Variants in NNT observed in about 807,000 individuals in gnomAD.
NNT encodes NAD(P) transhydrogenase, mitochondrial.
Under a neutral mutation model 104.8 loss-of-function variants are expected in NNT, and 50 were observed. The observed-to-expected ratio is 0.48, with a 90% CI of 0.38 to 0.60. NNT has a LOEUF of 0.60. NNT is among the 20% of genes least tolerant of loss of function. NNT has a pLI of 0.00. For missense variants in NNT, 1,131 were observed against 1,330.7 expected, an observed-to-expected ratio of 0.85 and a Z score of 2.33; for synonymous variants, 461 against 490.4, an observed-to-expected ratio of 0.94 and a Z score of 0.79.
intron 2 of NNT, 108 bp downstream of exon 2, chr5:43,609,454 G>A: frequency 9.8e-7 from 1 of 1,016,010 alleles, no homozygotes; most frequent in Non-Finnish European, 1.4e-6. Context: ...CCTGGTGCTT[G>A]TGAGTGATCA....
At chr5:43,660,351 T>C (rs1424089502) in intron 17 of NNT, among the ~76,000 whole-genome samples, 1 of 152,226 alleles carries the variant, frequency 6.6e-6, no homozygotes, top group Non-Finnish European at 1.5e-5. Flanking sequence ...TAATACTTCC[T>C]AGCTTTTCTG....
intron 20 of NNT, among the ~76,000 whole-genome samples, chr5:43,701,484 T>C (rs551215693): frequency 2.4e-4 from 37 of 152,274 alleles, no homozygotes; most frequent in African/African-American, 8.9e-4. Context: ...CAGTGCACCA[T>C]TGATGGACAT....
At chr5:43,698,034 A>G (rs1742645848) in intron 19 of NNT, among the ~76,000 whole-genome samples, 1 of 152,044 alleles carries the variant, frequency 6.6e-6, no homozygotes, top group South Asian at 2.1e-4. Flanking sequence ...AGATGGCACA[A>G]CTATAGACCT....
Position 43,609,218 on chromosome 5 carries a change from T to C in NNT, c.23T>C (p.Val8Ala), listed in dbSNP as rs773212411. The C allele has an allele frequency of 1.9e-6, 3 of 1,613,914 alleles. No individual in the cohort carries two copies. The highest frequency in any genetic ancestry group is 2.5e-6 in the Non-Finnish European group (3 of 1,179,904). The change falls in exon 2 of 22, where the codon GTG becomes GCG. Residue 8 changes from valine to alanine, a missense_variant. Coordinates refer to ENST00000344920, the MANE Select transcript of NNT (RefSeq NM_182977.3). ...AACATGGCAAACCTATTGAAAACAG[T>C]GGTGACTGGCTGCTCGTGTCCTCTA... The part of the protein sequence containing the change: MANLLKT[V>A]VTGCSCPLLS...
intron 19 of NNT, among the ~76,000 whole-genome samples, chr5:43,681,116 C>T (rs1414073466): frequency 6.6e-6 from 1 of 151,560 alleles, no homozygotes; most frequent in Admixed American, 6.6e-5. Flanking sequence ...AAAGATTAGC[C>T]AGGCATGGTG....
At chr5:43,645,653 A>ATCTCTCTCTCTCTC (rs372296149) in intron 10 of NNT, 143 bp downstream of exon 10, 79 of 68,536 alleles carry the variant, frequency 1.2e-3, no homozygotes, top group South Asian at 5.4e-3. Context: ...CTATCTATCT[A>ATCTCTCTCTCTCTC]TCTCTCTCTC....
chr5:43,664,750 A>G (rs1333989961), intron 17 of NNT, among the ~76,000 whole-genome samples: 1 of 152,242 alleles, frequency 6.6e-6, no homozygotes, highest in Non-Finnish European at 1.5e-5. Context: ...GAAAAAAGAA[A>G]AAAAGAGAAA....
In NNT at chr5:43,705,440, T is replaced by TA. The variant is rs1743065351; in HGVS notation, c.*1037dup. On this transcript the variant is annotated 3_prime_UTR_variant, in exon 22 of 22. Coordinates refer to ENST00000344920, the MANE Select transcript of NNT (RefSeq NM_182977.3). ...ATTTGAGAGAAATGGTGGCTTTTTT[T>TA]AGCTACCTCTTTGTTCATTTAAGCA... 1 of 152,164 alleles carries TA rather than the reference T, an allele frequency of 6.6e-6. No homozygotes were observed. The highest frequency in any genetic ancestry group is 2.4e-5 in the African/African-American group (1 of 41,460). 9.4% of individuals were successfully genotyped at this position (152,164 alleles called of 1,614,324 possible). A position where few individuals can be genotyped will look rare whatever the true frequency, so the allele number is the denominator to read the frequency against.
chr5:43,642,668 G>A (rs1751300170), intron 7 of NNT, among the ~76,000 whole-genome samples: 1 of 152,176 alleles, frequency 6.6e-6, no homozygotes, highest in Admixed American at 6.5e-5. Flanking sequence ...GTTAGAAAAA[G>A]CACTTCACCC....
intron 17 of NNT, among the ~76,000 whole-genome samples, chr5:43,671,746 G>C (rs374396019): frequency 2.0e-5 from 3 of 152,024 alleles, no homozygotes; most frequent in Admixed American, 6.6e-5. Context: ...TTTGGTGAAT[G>C]TGACAATTAT....
In NNT at chr5:43,661,861, C is replaced by T. The variant is rs1377784552; in HGVS notation, c.2634+2511C>T. On this transcript the variant is annotated intron_variant, in intron 17 of 21. Transcript: ENST00000344920. ...GTCTTTGCTATTGTGAATAGTGCCG[C>T]AATAAACATATGTGTGCATGTGTCT... 2.6e-5 allele frequency among the ~76,000 whole-genome samples: 4 copies of T among 152,070 alleles called. No individual in the cohort carries two copies. The East Asian group carries it at 5.8e-4, about 22-fold the overall frequency.
At chr5:43,655,508 C>CTA (rs1046698476) in intron 14 of NNT, among the ~76,000 whole-genome samples, 1 of 151,928 alleles carries the variant, frequency 6.6e-6, no homozygotes, top group Non-Finnish European at 1.5e-5. Flanking sequence ...TACTTTCAGG[C>CTA]TATATATATA....
chr5:43,669,103 C>A (rs1275371304), intron 17 of NNT, among the ~76,000 whole-genome samples: 2 of 152,020 alleles, frequency 1.3e-5, no homozygotes, highest in African/African-American at 2.4e-5. Context: ...GTGTATAAGA[C>A]TGCTTGTGAT....
Position 43,659,270 on chromosome 5 carries a change from C to G in NNT, c.2554C>G (p.Leu852Val). Residue 852 changes from leucine (L) to valine (V), a missense_variant, in exon 17 of 22, where the codon CTG becomes GTG. Physicochemically the swap from Leu to Val is conservative, Grantham distance 32 (BLOSUM62 1). Transcript: ENST00000344920. ...CTGGGCCCTGTGTGCAGAGGGCTTC[C>G]TGCTCAACAACAATCTGCTGACCAT... ...SGWALCAEGFLLNNNLLTIVG... is the reference protein window; with the variant it reads ...SGWALCAEGFVLNNNLLTIVG... The G allele has an allele frequency of 6.2e-7, 1 of 1,614,046 alleles. No individual in the cohort carries two copies. The highest frequency in any genetic ancestry group is 8.5e-7 in the Non-Finnish European group (1 of 1,180,008).
intron 14 of NNT, among the ~76,000 whole-genome samples, chr5:43,654,693 T>G (rs1255841601): frequency 1.3e-5 from 2 of 152,242 alleles, no homozygotes; most frequent in Non-Finnish European, 2.9e-5. Context: ...TAAAGAGCAC[T>G]ATTTCTTATT....
At chr5:43,703,841 C>T (rs1361787012) in intron 21 of NNT, among the ~76,000 whole-genome samples, 1 of 152,066 alleles carries the variant, frequency 6.6e-6, no homozygotes, top group Non-Finnish European at 1.5e-5. Context: ...CATTGTTTTC[C>T]CACTCAACCT....
At chr5:43,646,443 C>G (rs1739447114) in intron 10 of NNT, among the ~76,000 whole-genome samples, 1 of 151,616 alleles carries the variant, frequency 6.6e-6, no homozygotes, top group African/African-American at 2.4e-5. Flanking sequence ...GCGCATGCCA[C>G]CACGCCCAGC....
At chr5:43,691,347 G>A (rs1382291293) in intron 19 of NNT, among the ~76,000 whole-genome samples, 5 of 152,110 alleles carry the variant, frequency 3.3e-5, no homozygotes, top group African/African-American at 1.2e-4. Flanking sequence ...CAGGTGATCC[G>A]CCCATCTCGG....
intron 6 of NNT, among the ~76,000 whole-genome samples, chr5:43,625,725 T>C (rs10058080): frequency 0.14 from 21,803 of 152,084 alleles, 2,337 homozygotes; most frequent in African/African-American, 0.3. Flanking sequence ...TGCCTAATGC[T>C]TGTATCACAA....
Sources: gnomAD v4.1 joint callset for allele counts (sites outside exome capture counted in the v4.1 genomes callset) on GRCh38, gnomAD v4.1.1 for gene constraint, MANE v1.5 for transcripts, NCBI Gene and HGNC (gene_info 2026-07-23, HGNC 2026-07-21) for gene names.